The following SYNM variants were observed in gnomAD, a reference collection of about 807,000 sequenced individuals.
SYNM encodes desmuslin.
SYNM carries 95 observed loss-of-function variants against 104.0 expected under a neutral mutation model. The ratio of observed to expected loss-of-function variants is 0.91; its 90% confidence interval spans 0.77 to 1.08. The LOEUF (loss-of-function observed/expected upper bound fraction) is 1.08. SYNM is among the 50% of genes least tolerant of loss of function. SYNM has a pLI of 0.00. For synonymous variants in SYNM, 918 were observed against 869.0 expected (o/e 1.06, Z -0.99); for missense variants, 2,150 against 2,052.2 (o/e 1.05, Z -0.92).
In SYNM at chr15:99,118,151, G is replaced by A. The variant is rs542008531; in HGVS notation, c.935+4436G>A. ...TATAGTCTCGGAGATGCCCGTTGAC[G>A]AAGAAGACATACAGATGGTTGAATA... On this transcript the variant is annotated intron_variant, in intron 2 of 3. Transcript: ENST00000336292. Among the ~76,000 whole-genome samples, 16 of 149,912 alleles carry A rather than the reference G, an allele frequency of 1.1e-4. No individual in the cohort carries two copies. The East Asian group carries it at 1.4e-3, about 13-fold the overall frequency.
chr15:99,131,134 A>C lies in SYNM; in HGVS notation c.2774A>C (p.Lys925Thr). 2 of 1,599,788 alleles carry C rather than the reference A, an allele frequency of 1.3e-6. No homozygotes were observed. The highest frequency in any genetic ancestry group is 1.7e-6 in the Non-Finnish European group (2 of 1,173,046). Residue 925 changes from lysine (K) to threonine (T), a missense_variant, in exon 4 of 4, where the codon AAA (lysine) becomes ACA (threonine). Transcript: ENST00000336292. This position sits in a 1 kb window ranked among gnomAD's most constrained non-coding sequence, Gnocchi z 4.3. ...CATGCCGAACCCACAGTCATTGAAA[A>C]AGAAATTAAAATACCCCACGAATTC... ...EFHAEPTVIEKEIKIPHEFHT... is the reference protein window; with the variant it reads ...EFHAEPTVIETEIKIPHEFHT...
At chr15:99,107,958 TTTTGGTTTTGG>T (rs1351292579) in intron 1 of SYNM, among the ~76,000 whole-genome samples, 4 of 55,338 alleles carry the variant, frequency 7.2e-5, no homozygotes, top group African/African-American at 6.7e-4. Context: ...TTTGTTTTTT[TTTTGGTTTTGG>T]TTTTGGTTTT....
downstream of SYNM, chr15:99,139,828 T>C (rs933640732): frequency 1.9e-6 from 2 of 1,065,960 alleles, no homozygotes; most frequent in Non-Finnish European, 2.5e-6. Flanking sequence ...TCTATACTCT[T>C]GACTACACAG....
chr15:99,130,972 A>G lies in SYNM; in HGVS notation c.2612A>G (p.Gln871Arg), dbSNP rs782624938. ...IRYSWQDEIV[Q>R]GTRRRTQKDG... is the part of the protein sequence containing the mutation. ...TACTCTTGGCAGGATGAAATCGTGC[A>G]GGGGACTCGAAGGAGGACACAGAAG... is the stretch of plus-strand genomic sequence containing the variant. The change falls in exon 4 of 4, where the codon CAG (glutamine) becomes CGG (arginine). Residue 871 changes from glutamine (Q) to arginine (R), a missense_variant. Coordinates refer to ENST00000336292, the MANE Select transcript of SYNM (RefSeq NM_145728.3). The G allele has an allele frequency of 6.2e-7, 1 of 1,613,842 alleles. No individual in the cohort carries two copies. The highest frequency in any genetic ancestry group is 8.5e-7 in the Non-Finnish European group (1 of 1,179,836).
intron 1 of SYNM, among the ~76,000 whole-genome samples, chr15:99,110,150 C>T (rs533053931): frequency 1.3e-5 from 2 of 152,306 alleles, no homozygotes; most frequent in East Asian, 1.9e-4. Flanking sequence ...AGGGAGAAAT[C>T]ACAGTGGACT....
rs781819805 is a variant in SYNM at position 99,105,920 on chromosome 15, G to T, written c.721G>T (p.Ala241Ser). ...AQEAEALRRE[A>S]LGLEQLRARL... ...GGAGGCAGAGGCGCTGCGGCGCGAG[G>T]CGCTCGGGTTGGAGCAGCTGCGCGC... The change falls in exon 1 of 4, where the codon GCG (alanine) becomes TCG (serine). Residue 241 changes from alanine (A) to serine (S), a missense_variant. Transcript: ENST00000336292. 6.5e-7 allele frequency: 1 copy of T among 1,532,474 alleles called. No individual in the cohort carries two copies. The highest frequency in any genetic ancestry group is 1.2e-5 in the South Asian group (1 of 83,072). The allele number at this position is 1,532,474 out of a possible 1,614,324, so 94.9% of individuals were successfully genotyped here.
At position 99,133,492 on chromosome 15, in the gene SYNM, A is replaced by G; in HGVS notation, c.*434A>G. On this transcript the variant is annotated 3_prime_UTR_variant, in exon 4 of 4. Transcript: ENST00000336292. ...AAATAACAGACTAACATTTTAGGGGAAAAATAAATACAATTTAGACTCTAA... is the reference window on the plus strand; with the variant it reads ...AAATAACAGACTAACATTTTAGGGGGAAAATAAATACAATTTAGACTCTAA... 6.0e-6 allele frequency: 1 copy of G among 165,332 alleles called. No individual in the cohort carries two copies. Among genetic ancestry groups the G allele is most frequent in the Admixed American group, 5.6e-5 (1 of 17,846 alleles). 10.2% of individuals were successfully genotyped at this position (165,332 alleles called of 1,614,324 possible).
chr15:99,139,225 A>T (rs782414412), downstream of SYNM: 31 of 1,495,192 alleles, frequency 2.1e-5, no homozygotes, highest in Non-Finnish European at 2.8e-5. Context: ...ATTCCAGAGA[A>T]GGTTACACAG....
intron 1 of SYNM, among the ~76,000 whole-genome samples, chr15:99,109,446 A>C (rs981755433): frequency 6.6e-6 from 1 of 152,174 alleles, no homozygotes; most frequent in Admixed American, 6.5e-5. Flanking sequence ...CCAAGCCCCC[A>C]AAACATGATT....
chr15:99,130,614 C>T lies in SYNM; in HGVS notation c.2254C>T (p.Pro752Ser). 1.2e-6 allele frequency: 2 copies of T among 1,612,530 alleles called. No individual in the cohort carries two copies. The highest frequency in any genetic ancestry group is 1.1e-5 in the South Asian group (1 of 90,934). ...KVVNVEIVEE[P>S]VSYVSGEKPE... is the part of the protein sequence containing the mutation. ...CGTCAACGTGGAGATCGTGGAGGAG[C>T]CCGTGAGTTATGTCAGCGGGGAGAA... Residue 752 changes from proline to serine, a missense_variant, in exon 4 of 4, where the codon CCC becomes TCC. Pro to Ser is a moderately conservative substitution (Grantham distance 74). Coordinates refer to ENST00000336292, the MANE Select transcript of SYNM (RefSeq NM_145728.3).
In SYNM at chr15:99,105,215, C is replaced by T. The variant is rs2151795369; in HGVS notation, c.16C>T (p.Leu6=). The T allele has an allele frequency of 1.3e-6, 2 of 1,573,766 alleles. No individual in the cohort carries two copies. The highest frequency in any genetic ancestry group is 2.7e-5 in the African/African-American group (2 of 74,182). ...GCCCGGCAAGATGCTGTCCTGGCGGCTGCAGACGGGCCCCGAGAAGGCCGA... is the reference window on the plus strand; with the variant it reads ...GCCCGGCAAGATGCTGTCCTGGCGGTTGCAGACGGGCCCCGAGAAGGCCGA... MLSWR[L]QTGPEKAELQ... The change falls in exon 1 of 4, where the codon CTG becomes TTG. Residue 6 remains leucine, a synonymous_variant. Transcript: ENST00000336292.
At chr15:99,137,807 C>A, downstream of SYNM, 1 of 761,622 alleles carries the variant, frequency 1.3e-6, no homozygotes, top group Non-Finnish European at 2.0e-6. Flanking sequence ...TGCTTTATAG[C>A]ATATATCACC....
At position 99,132,263 on chromosome 15, in the gene SYNM, G is replaced by T. The variant is rs184717724; in HGVS notation, c.3903G>T (p.Leu1301Phe). 28 of 1,608,070 alleles carry T rather than the reference G, an allele frequency of 1.7e-5. No homozygotes were observed. The African/African-American group carries it at 2.8e-4, about 16-fold the overall frequency. The change falls in exon 4 of 4, where the codon TTG becomes TTT. Residue 1301 changes from leucine (L) to phenylalanine (F), a missense_variant. Transcript: ENST00000336292. The stretch of plus-strand genomic sequence containing the variant: ...GAGATTCTGTACACATGGAAGGGTT[G>T]CCAGGGAGCAGCACATCCATCAGGC... ...VIGDSVHMEG[L>F]PGSSTSIRHI...
chr15:99,106,159 G>T (rs1555482794), intron 1 of SYNM, 150 bp downstream of exon 1: 1 of 867,740 alleles, frequency 1.2e-6, no homozygotes, highest in East Asian at 3.3e-5. Context: ...AATGGCATGG[G>T]GACCCGGACT....
In SYNM at chr15:99,131,787, G is replaced by A. The variant is rs1555485970; in HGVS notation, c.3427G>A (p.Glu1143Lys). 1.2e-6 allele frequency: 2 copies of A among 1,613,976 alleles called. No individual in the cohort carries two copies. The highest frequency in any genetic ancestry group is 1.7e-6 in the Non-Finnish European group (2 of 1,179,900). ...CTGGAGGACTGAGCGAATGTCATAT[G>A]AAGGACCCACTGCAGAAGTGGTGGA... ...EVWRTERMSY[E>K]GPTAEVVEVS... is the part of the protein sequence containing the mutation. The change falls in exon 4 of 4, where the codon GAA becomes AAA. Residue 1143 changes from glutamate to lysine, a missense_variant. Physicochemically the swap from Glu to Lys is moderately conservative, Grantham distance 56 (BLOSUM62 1). Coordinates refer to ENST00000336292, the MANE Select transcript of SYNM (RefSeq NM_145728.3). This position sits in a 1 kb window ranked among gnomAD's most constrained non-coding sequence, Gnocchi z 4.3.
In SYNM at chr15:99,131,508, C is replaced by A. The variant is rs1446093740; in HGVS notation, c.3148C>A (p.Pro1050Thr). 1.2e-6 allele frequency: 2 copies of A among 1,607,052 alleles called. No homozygotes were observed. The highest frequency in any genetic ancestry group is 3.3e-5 in the Admixed American group (2 of 59,920). Residue 1050 changes from proline (P) to threonine (T), a missense_variant, in exon 4 of 4, where the codon CCA (proline) becomes ACA (threonine). Transcript: ENST00000336292. The surrounding 1 kb of genome is among the most constrained non-coding windows in gnomAD (Gnocchi z 4.3). ...SRQRSPAPGS[P>T]DEEGGAEAPA... ...GCAACGCAGCCCAGCGCCTGGCAGC[C>A]CAGATGAGGAAGGTGGAGCGGAGGC...
downstream of SYNM, among the ~76,000 whole-genome samples, chr15:99,138,983 G>T (rs1295727750): frequency 6.6e-6 from 1 of 152,224 alleles, no homozygotes; most frequent in Non-Finnish European, 1.5e-5. Context: ...GGCATCCGAG[G>T]GCAGAGGGAA....
chr15:99,137,984 TC>T (rs2067722248), downstream of SYNM: 8 of 1,613,988 alleles, frequency 5.0e-6, no homozygotes, highest in East Asian at 1.8e-4. Context: ...CCCAGGAATG[TC>T]CTAGGCTTTT....
chr15:99,127,845 A>C (rs2067461319), intron 3 of SYNM, among the ~76,000 whole-genome samples: 1 of 152,208 alleles, frequency 6.6e-6, no homozygotes, highest in Admixed American at 6.5e-5. Flanking sequence ...GACATCCATC[A>C]TGTAACCTAG....
Sources: allele counts gnomAD v4.1 joint callset (sites outside exome capture counted in the v4.1 genomes callset), GRCh38; gene constraint gnomAD v4.1.1; non-coding constraint Gnocchi (gnomAD v3.1); transcripts MANE v1.5; gene names NCBI Gene and HGNC (gene_info 2026-07-23, HGNC 2026-07-21).